The following TDRD5 variants were observed in gnomAD, a reference collection of about 807,000 sequenced individuals.
The protein encoded by TDRD5 is tudor domain containing 5.
TDRD5 carries 41 observed loss-of-function variants against 120.6 expected under a neutral mutation model. The ratio of observed to expected loss-of-function variants is 0.34; its 90% CI spans 0.26 to 0.44. The LOEUF is 0.44. TDRD5 is among the 20% of genes least tolerant of loss of function. TDRD5 has a pLI of 1.00. For missense variants in TDRD5, 1,006 were observed against 1,221.2 expected, an observed-to-expected ratio of 0.82 and a Z score of 2.63; for synonymous variants, 430 against 433.7, an observed-to-expected ratio of 0.99 and a Z score of 0.11.
At chr1:179,663,568 A>G in intron 16 of TDRD5, 77 bp downstream of exon 16, 1 of 1,510,146 alleles carries the variant, frequency 6.6e-7, no homozygotes, top group Non-Finnish European at 8.8e-7. Flanking sequence ...AAATTGTCTC[A>G]ATTTACATAT....
At chr1:179,608,688 T>C (rs1676117654) in intron 4 of TDRD5, among the ~76,000 whole-genome samples, 1 of 152,088 alleles carries the variant, frequency 6.6e-6, no homozygotes, top group Non-Finnish European at 1.5e-5. Context: ...AGGTTTGTAA[T>C]AACTGTTTTA....
intron 13 of TDRD5, among the ~76,000 whole-genome samples, chr1:179,653,758 T>TAC: frequency 6.6e-6 from 1 of 152,084 alleles, no homozygotes; most frequent in East Asian, 1.9e-4. Flanking sequence ...TCCCATATGC[T>TAC]ACACACACAC....
chr1:179,601,869 A>C (rs931175933), intron 4 of TDRD5, among the ~76,000 whole-genome samples: 2 of 152,204 alleles, frequency 1.3e-5, no homozygotes, highest in South Asian at 2.1e-4. Context: ...GCAGTGGCAC[A>C]ATCTTGGCTC....
intron 5 of TDRD5, 56 bp downstream of exon 5, chr1:179,618,738 C>G: frequency 2.3e-6 from 3 of 1,309,430 alleles, no homozygotes; most frequent in Non-Finnish European, 3.1e-6. Context: ...ATTTATATAT[C>G]ATTTGTGGTT....
chr1:179,689,094 G>A (rs1365292003), intron 17 of TDRD5, among the ~76,000 whole-genome samples: 1 of 152,226 alleles, frequency 6.6e-6, no homozygotes, highest in Admixed American at 6.5e-5. Flanking sequence ...CATTGCTGGT[G>A]AGGAGCTGCG....
Position 179,634,539 on chromosome 1 carries a change from G to A in TDRD5, c.1209G>A (p.Glu403=), listed in dbSNP as rs373662989. ...RNSLSTAAVK[E]TVWNCPSKKQ... ...CATTGTCTACTGCTGCTGTCAAAGAGACTGTATGGAATTGCCCTTCAAAAA... is the reference window on the plus strand; with the variant it reads ...CATTGTCTACTGCTGCTGTCAAAGAAACTGTATGGAATTGCCCTTCAAAAA... The change falls in exon 8 of 18, where the codon GAG becomes GAA. Residue 403 remains glutamate (E), a synonymous_variant. Coordinates refer to ENST00000444136, the MANE Select transcript of TDRD5 (RefSeq NM_001199085.3). 39 of 1,613,804 alleles carry A rather than the reference G, an allele frequency of 2.4e-5. No individual in the cohort carries two copies. The highest frequency in any genetic ancestry group is 3.1e-5 in the Non-Finnish European group (36 of 1,180,004).
At chr1:179,595,577 A>G in intron 3 of TDRD5, 51 bp from the exon 4 acceptor site, 2 of 1,479,474 alleles carry the variant, frequency 1.4e-6, no homozygotes, top group Non-Finnish European at 1.8e-6. Flanking sequence ...GGAAAATGAA[A>G]TAGAAGTTGC....
chr1:179,592,859 AT>A lies in TDRD5; in HGVS notation c.232+17del. On this transcript the variant is annotated intron_variant, in intron 2 of 17. Coordinates refer to ENST00000444136, the MANE Select transcript of TDRD5 (RefSeq NM_001199085.3). ...TGTAATACTGAAAGGTAGGTTTAAG[AT>A]TTTTGAAGGTCTATAAACTTTGTAA... The A allele has an allele frequency of 6.2e-7, 1 of 1,611,856 alleles. No individual in the cohort carries two copies. The highest frequency in any genetic ancestry group is 8.5e-7 in the Non-Finnish European group (1 of 1,177,976).
rs1329790638 is a variant in TDRD5, at chr1:179,659,235, A to G, written c.2323-2869A>G. Among the ~76,000 whole-genome samples, 9 of 152,316 alleles carry G rather than the reference A, an allele frequency of 5.9e-5. No homozygotes were observed. In the South Asian group the frequency reaches 1.9e-3, roughly 32 times the overall value. ...TATTCTGTTGTTTGGTGGAGTTTCTATAAATGTCAGATCCAATTGATTAGT... is the reference window on the plus strand; with the variant it reads ...TATTCTGTTGTTTGGTGGAGTTTCTGTAAATGTCAGATCCAATTGATTAGT... On this transcript the variant is annotated intron_variant, in intron 14 of 17. Coordinates refer to ENST00000444136, the MANE Select transcript of TDRD5 (RefSeq NM_001199085.3).
At chr1:179,685,073 C>T (rs925816732) in intron 17 of TDRD5, among the ~76,000 whole-genome samples, 16 of 152,164 alleles carry the variant, frequency 1.1e-4, no homozygotes, top group African/African-American at 3.9e-4. Flanking sequence ...TCAATTTTGG[C>T]TTTTGTTGCC....
intron 8 of TDRD5, 80 bp from the exon 9 acceptor site, chr1:179,635,587 A>G (rs1677719731): frequency 4.7e-6 from 6 of 1,282,144 alleles, no homozygotes; most frequent in African/African-American, 1.5e-5. Flanking sequence ...AAGGTGATTC[A>G]TGAAATGTGC....
intron 11 of TDRD5, among the ~76,000 whole-genome samples, chr1:179,644,646 A>G (rs534415276): frequency 6.6e-6 from 1 of 152,088 alleles, no homozygotes; most frequent in East Asian, 1.9e-4. Context: ...TTTGGCGTAA[A>G]TTGCCCATAA....
intron 16 of TDRD5, among the ~76,000 whole-genome samples, chr1:179,668,567 G>A (rs930084086): frequency 2.0e-5 from 3 of 152,072 alleles, no homozygotes; most frequent in Admixed American, 6.5e-5. Flanking sequence ...TGCCCGACAC[G>A]GGGTGCTCAG....
intron 9 of TDRD5, among the ~76,000 whole-genome samples, chr1:179,638,017 G>A (rs1677859750): frequency 6.6e-6 from 1 of 152,196 alleles, no homozygotes; most frequent in Non-Finnish European, 1.5e-5. Flanking sequence ...TAACAAAGGA[G>A]TAAGTGGCGT....
intron 4 of TDRD5, among the ~76,000 whole-genome samples, chr1:179,612,820 C>T (rs1402682526): frequency 6.6e-6 from 1 of 151,446 alleles, no homozygotes; most frequent in Non-Finnish European, 1.5e-5. Context: ...CCTGTAGTCC[C>T]AGCTACTCAG....
intron 9 of TDRD5, among the ~76,000 whole-genome samples, chr1:179,636,791 C>T (rs1003566818): frequency 2.0e-5 from 3 of 152,174 alleles, no homozygotes; most frequent in Admixed American, 6.5e-5. Flanking sequence ...TCCTTTTACT[C>T]GAAAGTTTGA....
At chr1:179,592,527 T>C (rs1675166153) in intron 1 of TDRD5, 75 bp from the exon 2 acceptor site, 1 of 1,163,556 alleles carries the variant, frequency 8.6e-7, no homozygotes, top group Admixed American at 2.0e-5. Context: ...GTTATTTGTA[T>C]CCCACTATTG....
intron 11 of TDRD5, among the ~76,000 whole-genome samples, chr1:179,645,051 A>G (rs1405944894): frequency 6.8e-6 from 1 of 146,884 alleles, no homozygotes; most frequent in Non-Finnish European, 1.5e-5. Flanking sequence ...ATTATTTAGA[A>G]GTTTCTCAGT....
Position 179,673,933 on chromosome 1 carries a change from G to T in TDRD5, c.2860+4529G>T, listed in dbSNP as rs910368122. On this transcript the variant is annotated intron_variant, in intron 17 of 17. Coordinates refer to ENST00000444136, the MANE Select transcript of TDRD5 (RefSeq NM_001199085.3). ...GAAACTTTGCTGAATTCATTTACCA[G>T]TTCTAGGAGCTTTTTGGATGAGTCG... Among the ~76,000 whole-genome samples the T allele has an allele frequency of 8.5e-5, 13 of 152,282 alleles. No individual in the cohort carries two copies. In the Middle Eastern group the frequency reaches 0.01, roughly 120 times the overall value.
Sources: gnomAD v4.1 joint callset for allele counts (sites outside exome capture counted in the v4.1 genomes callset) on GRCh38, gnomAD v4.1.1 for gene constraint, MANE v1.5 for transcripts, NCBI Gene and HGNC (gene_info 2026-07-23, HGNC 2026-07-21) for gene names.